Variants in NCOA3 observed in about 807,000 individuals in gnomAD.
The protein encoded by NCOA3 is CBP-interacting protein.
NCOA3 carries 51 observed loss-of-function variants against 158.8 expected under a neutral mutation model. The ratio of observed to expected loss-of-function variants is 0.32; its 90% confidence interval spans 0.26 to 0.41. NCOA3 has a LOEUF of 0.41. Ranked by LOEUF, NCOA3 falls within the 10% of genes least tolerant of loss-of-function variation. NCOA3 has a pLI of 1.00. For synonymous variants in NCOA3, 537 were observed against 592.4 expected (o/e 0.91, Z 1.36); for missense variants, 1,510 against 1,746.6 (o/e 0.86, Z 2.41).
chr20:47,607,756 A>G (rs1050223567), intron 2 of NCOA3, among the ~76,000 whole-genome samples: 2 of 152,154 alleles, frequency 1.3e-5, no homozygotes, highest in Non-Finnish European at 2.9e-5. Flanking sequence ...AATATCAAGA[A>G]ATATCCATAA....
chr20:47,540,913 G>A (rs983457347), intron 1 of NCOA3, among the ~76,000 whole-genome samples: 4 of 152,136 alleles, frequency 2.6e-5, no homozygotes, highest in Non-Finnish European at 5.9e-5. Flanking sequence ...TTCAGTTAGT[G>A]AGATTATTTA....
chr20:47,505,682 C>G (rs906145652), intron 1 of NCOA3, among the ~76,000 whole-genome samples: 9 of 151,646 alleles, frequency 5.9e-5, no homozygotes, highest in African/African-American at 1.9e-4. Flanking sequence ...TGTATGTTAA[C>G]TTTTTCTTAT....
At chr20:47,558,820 CTTTTTTTT>C (rs56997127) in intron 1 of NCOA3, among the ~76,000 whole-genome samples, 19,328 of 114,578 alleles carry the variant, frequency 0.17, 1,897 homozygotes, top group Middle Eastern at 0.32. Flanking sequence ...ACTTTTTTCA[CTTTTTTTT>C]TTTTTTTTTT....
At chr20:47,622,091 A>T (rs1054955575) in intron 2 of NCOA3, 138 bp from the exon 3 acceptor site, 4 of 542,016 alleles carry the variant, frequency 7.4e-6, no homozygotes, top group Non-Finnish European at 9.7e-6. Flanking sequence ...GTCATTTATG[A>T]AAAAGAATAT....
Position 47,656,021 on chromosome 20 carries a change from C to T in NCOA3, c.*2604C>T, listed in dbSNP as rs2086867179. On this transcript the variant is annotated 3_prime_UTR_variant, in exon 23 of 23. Transcript: ENST00000371998. ...CTTTGTACTCCTGCTGTCTACCTCT[C>T]CTCACACCCCAGCACCCCCCATTTT... is the stretch of plus-strand genomic sequence containing the variant. 1.3e-5 allele frequency: 2 copies of T among 151,896 alleles called. No homozygotes were observed. 9.4% of individuals were successfully genotyped at this position (151,896 alleles called of 1,614,324 possible). A position where few individuals can be genotyped will look rare whatever the true frequency, so the allele number is the denominator to read the frequency against.
chr20:47,582,003 G>A (rs983922201), intron 1 of NCOA3, among the ~76,000 whole-genome samples: 7 of 151,796 alleles, frequency 4.6e-5, no homozygotes, highest in African/African-American at 1.7e-4. Flanking sequence ...ATTCTGCCAG[G>A]GTATTAATGT....
In NCOA3 at chr20:47,655,079, A is replaced by C. The variant is rs1223460893; in HGVS notation, c.*1662A>C. ...ATTAGAATAGTGTCAGTTATTTCTT[A>C]AGTAACTCAGTACCCAGAACAGCCA... On this transcript the variant is annotated 3_prime_UTR_variant, in exon 23 of 23. Transcript: ENST00000371998. 6.6e-6 allele frequency: 1 copy of C among 152,100 alleles called. No homozygotes were observed. The highest frequency in any genetic ancestry group is 2.4e-5 in the African/African-American group (1 of 41,398). 9.4% of individuals were successfully genotyped at this position (152,100 alleles called of 1,614,324 possible).
chr20:47,534,719 A>T (rs1365609656), intron 1 of NCOA3, among the ~76,000 whole-genome samples: 1 of 152,138 alleles, frequency 6.6e-6, no homozygotes, highest in Non-Finnish European at 1.5e-5. Context: ...GTTCAAGAGC[A>T]GTCTGGGCAA....
chr20:47,524,704 A>C (rs1400638936), intron 1 of NCOA3, among the ~76,000 whole-genome samples: 1 of 152,210 alleles, frequency 6.6e-6, no homozygotes, highest in Non-Finnish European at 1.5e-5. Flanking sequence ...CCCAGTATAC[A>C]GATCTTATAA....
chr20:47,556,554 ACT>A (rs2085010358), intron 1 of NCOA3, among the ~76,000 whole-genome samples: 1 of 151,948 alleles, frequency 6.6e-6, no homozygotes, highest in African/African-American at 2.4e-5. Context: ...ATGGGGTCTC[ACT>A]CTGTCACCCA....
intron 1 of NCOA3, among the ~76,000 whole-genome samples, chr20:47,576,024 G>T (rs1049800045): frequency 6.6e-6 from 1 of 152,170 alleles, no homozygotes; most frequent in Non-Finnish European, 1.5e-5. Context: ...TGCATTTGAA[G>T]AAATTTACAT....
intron 1 of NCOA3, among the ~76,000 whole-genome samples, chr20:47,554,341 C>G (rs1489241391): frequency 6.6e-6 from 1 of 151,986 alleles, no homozygotes; most frequent in Non-Finnish European, 1.5e-5. Flanking sequence ...TTCTCCCATT[C>G]TGTAGGTTGC....
intron 1 of NCOA3, among the ~76,000 whole-genome samples, chr20:47,562,189 A>G (rs1358577452): frequency 6.6e-6 from 1 of 152,200 alleles, no homozygotes; most frequent in East Asian, 1.9e-4. Flanking sequence ...TGCTTTAGCA[A>G]TTATGAATAA....
chr20:47,621,274 T>A (rs2146295859), intron 2 of NCOA3, among the ~76,000 whole-genome samples: 1 of 152,222 alleles, frequency 6.6e-6, no homozygotes, highest in African/African-American at 2.4e-5. Context: ...GATTTTTTTT[T>A]TAAAGCTACA....
intron 1 of NCOA3, among the ~76,000 whole-genome samples, chr20:47,565,826 A>G (rs189977087): frequency 6.6e-6 from 1 of 152,272 alleles, no homozygotes; most frequent in African/African-American, 2.4e-5. Context: ...TGGAACAAGC[A>G]TTATTTTTGA....
At chr20:47,505,032 G>T (rs867812772) in intron 1 of NCOA3, among the ~76,000 whole-genome samples, 18 of 8,766 alleles carry the variant, frequency 2.1e-3, no homozygotes, top group Admixed American at 8.2e-3. Flanking sequence ...TTTTTTTTGC[G>T]GGCAGGGGCG....
intron 2 of NCOA3, among the ~76,000 whole-genome samples, chr20:47,591,380 G>T (rs755678978): frequency 5.9e-5 from 9 of 152,156 alleles, no homozygotes; most frequent in Non-Finnish European, 1.0e-4. Context: ...AAGGTACTTT[G>T]TACAGTCTTT....
chr20:47,642,942 G>A (rs1157359935), intron 17 of NCOA3, among the ~76,000 whole-genome samples: 1 of 152,066 alleles, frequency 6.6e-6, no homozygotes, highest in Non-Finnish European at 1.5e-5. Flanking sequence ...TCGGAGTCTC[G>A]CTCTGTCAAC....
At chr20:47,527,519 A>G (rs1244905543) in intron 1 of NCOA3, among the ~76,000 whole-genome samples, 2 of 152,156 alleles carry the variant, frequency 1.3e-5, no homozygotes, top group Non-Finnish European at 2.9e-5. Context: ...ACATATGGGC[A>G]GTTTGTTTAT....
Sources: allele counts gnomAD v4.1 joint callset (sites outside exome capture counted in the v4.1 genomes callset), GRCh38; gene constraint gnomAD v4.1.1; transcripts MANE v1.5; gene names NCBI Gene and HGNC (gene_info 2026-07-23, HGNC 2026-07-21).